Variants in DST observed in about 807,000 individuals in gnomAD.
The protein encoded by DST is bullous pemphigoid antigen.
A neutral mutation model predicts 875.2 loss-of-function variants in DST; 253 were observed. That is an observed-to-expected ratio of 0.29 (90% CI 0.26 to 0.32). The LOEUF is 0.32. Ranked by LOEUF, DST falls within the 10% of genes least tolerant of loss-of-function variation. The probability of loss-of-function intolerance (pLI) is 1.00; values close to 1 mark genes in which losing one functional copy is unlikely to be tolerated. For synonymous variants in DST, 3,124 were observed against 3,197.1 expected, an observed-to-expected ratio of 0.98 and a Z score of 0.77; for missense variants, 8,287 against 9,111.6, an observed-to-expected ratio of 0.91 and a Z score of 3.68.
intron 93 of DST, 141 bp from the exon 94 acceptor site, chr6:56,472,363 T>C (rs1172246115): frequency 1.4e-6 from 1 of 734,126 alleles, no homozygotes; most frequent in African/African-American, 1.8e-5. Context: ...ATTTAGATGA[T>C]GTATAATGTC....
rs568055144 is a variant in DST, at chr6:56,536,802, G to A, written c.16747C>T (p.Arg5583Trp). Residue 5583 changes from arginine (R) to tryptophan (W), a missense_variant, in exon 62 of 104, where the codon CGG becomes TGG. Around this residue, in one of 10 missense-constraint regions of DST, gnomAD observed 777 missense variants for 764.8 expected, o/e 1.02. Transcript: ENST00000680361. ...ACCTTCTTATTGAGAGTCTTCCACCGTGCATTGACATCATCCAGGTCATGC... is the reference window on the plus strand; with the variant it reads ...ACCTTCTTATTGAGAGTCTTCCACCATGCATTGACATCATCCAGGTCATGC... The part of the protein sequence containing the change: ...LEHDLDDVNA[R>W]WKTLNKKVAQ... 74 of 1,588,910 alleles carry A rather than the reference G, an allele frequency of 4.7e-5. No homozygotes were observed. The highest frequency in any genetic ancestry group is 5.3e-5 in the Non-Finnish European group (62 of 1,167,584).
At chr6:56,618,488 A>AT (rs1563227786) in intron 36 of DST, 10 of 1,614,106 alleles carry the variant, frequency 6.2e-6, no homozygotes, top group Non-Finnish European at 8.5e-6. Flanking sequence ...CTGTTGGTCC[A>AT]TTTTTTGCTT....
intron 4 of DST, among the ~76,000 whole-genome samples, chr6:56,744,181 C>T (rs1489277582): frequency 1.3e-5 from 2 of 151,378 alleles, no homozygotes; most frequent in South Asian, 4.2e-4. Flanking sequence ...AAGCTTGGCC[C>T]GATTGTTAAT....
chr6:56,584,266 C>T (rs1460651350), intron 49 of DST, among the ~76,000 whole-genome samples: 2 of 151,740 alleles, frequency 1.3e-5, no homozygotes, highest in Non-Finnish European at 2.9e-5. Context: ...TCTTTTATTT[C>T]ATTGAGCAGT....
chr6:56,620,049 T>A, intron 36 of DST: 1 of 1,613,988 alleles, frequency 6.2e-7, no homozygotes. Flanking sequence ...TCTCTACATG[T>A]ATACTGAATT....
intron 4 of DST, among the ~76,000 whole-genome samples, chr6:56,766,076 TCTAA>T (rs2099632627): frequency 6.6e-6 from 1 of 152,174 alleles, no homozygotes; most frequent in Non-Finnish European, 1.5e-5. Flanking sequence ...ATCCATCCAC[TCTAA>T]CTGTGAAAGT....
chr6:56,724,315 A>G (rs530115110), intron 5 of DST, among the ~76,000 whole-genome samples: 1 of 152,362 alleles, frequency 6.6e-6, no homozygotes, highest in South Asian at 2.1e-4. Flanking sequence ...ATGGATACTG[A>G]TGCTGTGTCC....
chr6:56,703,685 T>C lies in DST; in HGVS notation c.839A>G (p.Tyr280Cys), dbSNP rs902783872. Residue 280 changes from tyrosine to cysteine, a missense_variant, in exon 7 of 104, where the codon TAT becomes TGT. Tyr to Cys is a radical substitution (Grantham distance 194). Transcript: ENST00000680361. ...RLVSATEACEYEQHEDVEDED... is the reference protein window; with the variant it reads ...RLVSATEACECEQHEDVEDED... ...ATCCTCCACATCCTCATGCTGTTCA[T>C]ATTCGCATGCTTCTGTTGCACTCAC... is the stretch of plus-strand genomic sequence containing the variant. 1.0e-6 allele frequency: 1 copy of C among 985,204 alleles called. No homozygotes were observed. Among genetic ancestry groups the C allele is most frequent in the African/African-American group, 1.7e-5 (1 of 57,208 alleles). The allele number at this position is 985,204 out of a possible 1,614,324, so 61.0% of individuals were successfully genotyped here.
chr6:56,785,172 C>A (rs142134875), intron 4 of DST, among the ~76,000 whole-genome samples: 6 of 152,320 alleles, frequency 3.9e-5, no homozygotes, highest in African/African-American at 1.4e-4. Flanking sequence ...GCTCGGGGAC[C>A]CACCTGAGGA....
At chr6:56,932,670 G>A (rs1810956969) in intron 2 of DST, among the ~76,000 whole-genome samples, 1 of 151,822 alleles carries the variant, frequency 6.6e-6, no homozygotes, top group Non-Finnish European at 1.5e-5. Context: ...CAAATAGTAA[G>A]TGCCTATTCC....
In DST at chr6:56,607,322, T is replaced by C; in HGVS notation, c.7306A>G (p.Ser2436Gly). The change falls in exon 40 of 104, where the codon AGT becomes GGT. Residue 2436 changes from serine (S) to glycine (G), a missense_variant. By Grantham distance (56) the Ser-to-Gly change is moderately conservative. Coordinates refer to ENST00000680361, the MANE Select transcript of DST (RefSeq NM_001374736.1). ...SPIFDYSPRLSALLSHDKLMH... is the reference protein window; with the variant it reads ...SPIFDYSPRLGALLSHDKLMH... ...AATTTATCATGACTTAACAAGGCAC[T>C]TAGCCTGGGGGAATAGTCAAAGATA... 1 of 1,613,480 alleles carries C rather than the reference T, an allele frequency of 6.2e-7. No homozygotes were observed. The highest frequency in any genetic ancestry group is 8.5e-7 in the Non-Finnish European group (1 of 1,179,640).
intron 9 of DST, 32 bp from the exon 10 acceptor site, chr6:56,670,839 G>A (rs760707916): frequency 2.0e-6 from 3 of 1,464,960 alleles, no homozygotes; most frequent in Admixed American, 4.5e-5. Context: ...AAACCTTTAG[G>A]AAGGAAGGAA....
At chr6:56,829,896 C>T (rs1420549011) in intron 4 of DST, among the ~76,000 whole-genome samples, 1 of 152,090 alleles carries the variant, frequency 6.6e-6, no homozygotes, top group East Asian at 1.9e-4. Context: ...AAACTAGCTA[C>T]TTAGCATGAG....
At chr6:56,837,511 T>C (rs1385081954) in intron 4 of DST, among the ~76,000 whole-genome samples, 1 of 152,182 alleles carries the variant, frequency 6.6e-6, no homozygotes, top group African/African-American at 2.4e-5. Flanking sequence ...CAGAGTGCTC[T>C]TTCTAATATC....
intron 5 of DST, among the ~76,000 whole-genome samples, chr6:56,726,014 A>C (rs2099454974): frequency 6.6e-6 from 1 of 152,212 alleles, no homozygotes; most frequent in Admixed American, 6.5e-5. Context: ...TTAACACTGT[A>C]CATCAACAGC....
intron 9 of DST, among the ~76,000 whole-genome samples, chr6:56,696,327 G>A (rs570488462): frequency 9.9e-5 from 15 of 152,118 alleles, no homozygotes; most frequent in South Asian, 2.1e-4. Context: ...AACGCCCGGC[G>A]AATTTTGTAT....
intron 4 of DST, among the ~76,000 whole-genome samples, chr6:56,770,635 A>G (rs2099653661): frequency 6.6e-6 from 1 of 152,088 alleles, no homozygotes; most frequent in Admixed American, 6.5e-5. Flanking sequence ...ATGAACCAGG[A>G]TTTTTCCCAG....
intron 4 of DST, among the ~76,000 whole-genome samples, chr6:56,834,873 T>C (rs1352248576): frequency 6.6e-6 from 1 of 152,174 alleles, no homozygotes; most frequent in African/African-American, 2.4e-5. Flanking sequence ...CTTGAAAACA[T>C]GTCCACACAA....
At chr6:56,765,735 T>C (rs1461782417) in intron 4 of DST, among the ~76,000 whole-genome samples, 1 of 152,184 alleles carries the variant, frequency 6.6e-6, no homozygotes, top group African/African-American at 2.4e-5. Flanking sequence ...ATTACTAGCA[T>C]CTGGAAGAAG....
Sources: allele counts gnomAD v4.1 joint callset (sites outside exome capture counted in the v4.1 genomes callset), GRCh38; gene constraint gnomAD v4.1.1; regional missense constraint gnomAD v4.1.1; transcripts MANE v1.5; gene names NCBI Gene and HGNC (gene_info 2026-07-23, HGNC 2026-07-21).